DVL2: variants seen among roughly 807,000 people sequenced by gnomAD.
DVL2 encodes dishevelled segment polarity protein 2, also known as segment polarity protein dishevelled homolog DVL-2.
DVL2 carries 38 observed loss-of-function variants against 69.8 expected under a neutral mutation model. The observed-to-expected ratio is 0.54, with a 90% confidence interval of 0.42 to 0.71. DVL2 has a LOEUF of 0.71. DVL2 is among the 30% of genes least tolerant of loss of function. The pLI is 0.00. For missense variants in DVL2, 931 were observed against 1,008.1 expected, an observed-to-expected ratio of 0.92 and a Z score of 1.04; for synonymous variants, 428 against 392.4, an observed-to-expected ratio of 1.09 and a Z score of -1.07.
In DVL2 at chr17:7,225,634, C is replaced by G; in HGVS notation, c.*231G>C. 1 of 551,008 alleles carries G rather than the reference C, an allele frequency of 1.8e-6. No individual in the cohort carries two copies. The allele number at this position is 551,008 out of a possible 1,614,324, so 34.1% of individuals were successfully genotyped here. A position where few individuals can be genotyped will look rare whatever the true frequency, so the allele number is the denominator to read the frequency against. On this transcript the variant is annotated 3_prime_UTR_variant, in exon 15 of 15. Transcript: ENST00000005340. ...AAAATGTAAGAAACTCTATTTTAAC[C>G]CCCAAAAAGGCTTATAAAAAAACAA...
intron 2 of DVL2, 128 bp downstream of exon 2, chr17:7,230,600 C>T: frequency 7.5e-7 from 1 of 1,324,736 alleles, no homozygotes; most frequent in South Asian, 1.4e-5. Context: ...GCCGGCTCTC[C>T]AAACAGACAG....
intron 9 of DVL2, 28 bp from the exon 10 acceptor site, chr17:7,228,072 G>T: frequency 1.3e-6 from 2 of 1,518,620 alleles, no homozygotes; most frequent in Non-Finnish European, 1.8e-6. Flanking sequence ...CCAGTCAAGG[G>T]CGCAGGGGAA....
At chr17:7,228,804 ACTC>A in intron 9 of DVL2, 162 bp downstream of exon 9, 1 of 641,874 alleles carries the variant, frequency 1.6e-6, no homozygotes, top group South Asian at 1.9e-5. Flanking sequence ...CTGGTCTCGA[ACTC>A]CTCACCTCAG....
rs904682433 is a variant in DVL2, at chr17:7,234,352, G to A, written c.-90C>T. The A allele has an allele frequency of 3.5e-6, 5 of 1,445,300 alleles. No homozygotes were observed. Among genetic ancestry groups the A allele is most frequent in the East Asian group, 4.6e-5 (2 of 43,848 alleles). The allele number at this position is 1,445,300 out of a possible 1,614,324, so 89.5% of individuals were successfully genotyped here. ...TGCGCACACCCGCAAACCGACGCGC[G>A]AGCGCGGACAGGACTGACCCAGTAC... is the stretch of plus-strand genomic sequence containing the variant. On this transcript the variant is annotated 5_prime_UTR_variant, in exon 1 of 15. Coordinates refer to ENST00000005340, the MANE Select transcript of DVL2 (RefSeq NM_004422.3).
chr17:7,228,241 T>A, intron 9 of DVL2, 197 bp from the exon 10 acceptor site: 1 of 530,708 alleles, frequency 1.9e-6, no homozygotes, highest in South Asian at 2.7e-5. Context: ...AAAAACATAC[T>A]GCCAAGTGAG....
At chr17:7,233,933 T>C in intron 1 of DVL2, 136 bp downstream of exon 1, 1 of 909,112 alleles carries the variant, frequency 1.1e-6, no homozygotes, top group South Asian at 1.5e-5. Flanking sequence ...ATAGTCAACC[T>C]ACCTCAGCAT....
chr17:7,227,048 T>C (rs776163921), intron 13 of DVL2, 42 bp downstream of exon 13: 2 of 1,565,262 alleles, frequency 1.3e-6, no homozygotes, highest in African/African-American at 2.7e-5. Flanking sequence ...CAGAACAAGG[T>C]AGGCAAAGCC....
At chr17:7,230,902 T>A (rs1460440087) in intron 1 of DVL2, 105 bp from the exon 2 acceptor site, 1 of 807,880 alleles carries the variant, frequency 1.2e-6, no homozygotes, top group Non-Finnish European at 2.0e-6. Flanking sequence ...ATGTTGACTT[T>A]CTCCTGCCCT....
Position 7,226,547 on chromosome 17 carries a change from G to A in DVL2, c.1636C>T (p.Pro546Ser), listed in dbSNP as rs2071453099. 1.9e-6 allele frequency: 3 copies of A among 1,609,532 alleles called. No homozygotes were observed. The East Asian group carries it at 6.7e-5, about 36-fold the overall frequency. ...LAPLPGATPW[P>S]LLPTFSYQYP... ...TGGTAGGAGAAAGTGGGCAGCAGGG[G>A]CCAGGGGGTGGCCCCAGGCAGAGGA... The change falls in exon 14 of 15, where the codon CCC (proline) becomes TCC (serine). Residue 546 changes from proline to serine, a missense_variant. Transcript: ENST00000005340.
At chr17:7,231,090 C>T (rs1334894803) in intron 1 of DVL2, among the ~76,000 whole-genome samples, 2 of 152,202 alleles carry the variant, frequency 1.3e-5, no homozygotes, top group African/African-American at 2.4e-5. Context: ...CAATCCCGCA[C>T]GCTGATGCGG....
rs954292534 is a variant in DVL2 at position 7,230,153 on chromosome 17, G to C, written c.413C>G (p.Pro138Arg). The C allele has an allele frequency of 6.2e-7, 1 of 1,613,776 alleles. No homozygotes were observed. Among genetic ancestry groups the C allele is most frequent in the African/African-American group, 1.3e-5 (1 of 74,922 alleles). ...ATTCTCATGGCTGCTGGACACATTAGGGCTGGACAGGCAGAGATGGTTTCC... is the reference window on the plus strand; with the variant it reads ...ATTCTCATGGCTGCTGGACACATTACGGCTGGACAGGCAGAGATGGTTTCC... ...IGDSRPPSFH[P>R]NVSSSHENLE... Residue 138 changes from proline (P) to arginine (R), a missense_variant and splice_region_variant, in exon 4 of 15, where the codon CCT becomes CGT. Transcript: ENST00000005340.
At position 7,234,479 on chromosome 17, in the gene DVL2, G is replaced by C; in HGVS notation, c.-217C>G. ...GCCCCGGTCTCAGCGGCCGCCGCGCGCCACCGCCACCGACGCCGCGAGCTT... is the reference window on the plus strand; with the variant it reads ...GCCCCGGTCTCAGCGGCCGCCGCGCCCCACCGCCACCGACGCCGCGAGCTT... On this transcript the variant is annotated 5_prime_UTR_variant, in exon 1 of 15. Coordinates refer to ENST00000005340, the MANE Select transcript of DVL2 (RefSeq NM_004422.3). 1 of 550,234 alleles carries C rather than the reference G, an allele frequency of 1.8e-6. No homozygotes were observed. Among genetic ancestry groups the C allele is most frequent in the Middle Eastern group, 4.8e-4 (1 of 2,082 alleles). The allele number at this position is 550,234 out of a possible 1,614,324, so 34.1% of individuals were successfully genotyped here.
At chr17:7,233,087 CA>C (rs59984818) in intron 1 of DVL2, among the ~76,000 whole-genome samples, 533 of 36,264 alleles carry the variant, frequency 0.015, 13 homozygotes, top group East Asian at 0.038. Context: ...GAGACTGTCT[CA>C]AAAAAAAAAA....
At position 7,225,440 on chromosome 17, in the gene DVL2, A is replaced by G. The variant is rs189267906; in HGVS notation, c.*425T>C. On this transcript the variant is annotated 3_prime_UTR_variant, in exon 15 of 15. Coordinates refer to ENST00000005340, the MANE Select transcript of DVL2 (RefSeq NM_004422.3). Reference sequence around the variant, plus strand: ...ATGGCCCAAATCTCCCAGCTTCCTCAGGCTGCTGTCTAGGATGCCTAACCC... The same window carrying G: ...ATGGCCCAAATCTCCCAGCTTCCTCGGGCTGCTGTCTAGGATGCCTAACCC... The G allele has an allele frequency of 2.5e-5, 11 of 438,640 alleles. No homozygotes were observed. The East Asian group carries it at 4.3e-4, about 17-fold the overall frequency. 27.2% of individuals were successfully genotyped at this position (438,640 alleles called of 1,614,324 possible). A position where few individuals can be genotyped will look rare whatever the true frequency, so the allele number is the denominator to read the frequency against.
Position 7,225,697 on chromosome 17 carries a change from G to T in DVL2, c.*168C>A. Reference sequence around the variant, plus strand: ...TCAAAGGTCCCTTGTCTACCCCTGAGGGAAGGGGGAGGAACCAGGCACTGC... The same window carrying T: ...TCAAAGGTCCCTTGTCTACCCCTGATGGAAGGGGGAGGAACCAGGCACTGC... On this transcript the variant is annotated 3_prime_UTR_variant, in exon 15 of 15. Transcript: ENST00000005340. 1.6e-6 allele frequency: 1 copy of T among 643,320 alleles called. No individual in the cohort carries two copies. 39.9% of individuals were successfully genotyped at this position (643,320 alleles called of 1,614,324 possible). A position where few individuals can be genotyped will look rare whatever the true frequency, so the allele number is the denominator to read the frequency against.
In DVL2 at chr17:7,234,102, T is replaced by C; in HGVS notation, c.161A>G (p.Lys54Arg). 1 of 1,614,178 alleles carries C rather than the reference T, an allele frequency of 6.2e-7. No individual in the cohort carries two copies. The highest frequency in any genetic ancestry group is 8.5e-7 in the Non-Finnish European group (1 of 1,180,028). ...KSVLQRPAGA[K>R]YFFKSMDQDF... ...CTGATCCATAGACTTGAAAAAGTAC[T>C]TGGCGCCCGCGGGCCGCTGCAGGAC... Residue 54 changes from lysine (K) to arginine (R), a missense_variant, in exon 1 of 15, where the codon AAG (lysine) becomes AGG (arginine). Physicochemically the swap from Lys to Arg is conservative, Grantham distance 26 (BLOSUM62 2). Transcript: ENST00000005340.
chr17:7,230,583 G>A (rs1438377217), intron 2 of DVL2, 145 bp downstream of exon 2: 2 of 1,319,448 alleles, frequency 1.5e-6, no homozygotes, highest in Non-Finnish European at 2.1e-6. Flanking sequence ...AAGGCTGAGG[G>A]CCTCTCGCCG....
Position 7,227,180 on chromosome 17 carries a change from C to G in DVL2, c.1453G>C (p.Ala485Pro). The change falls in exon 13 of 15, where the codon GCA becomes CCA. Residue 485 changes from alanine to proline, a missense_variant. Ala to Pro is a conservative substitution (Grantham distance 27). Transcript: ENST00000005340. ...ARKYASGLLK[A>P]GLIRHTVNKI... ...TTGACGGTGTGTCGGATCAGGCCTG[C>G]TTTGAGCAGCCCGCTGGCATACTTG... The G allele has an allele frequency of 6.2e-7, 1 of 1,614,110 alleles. No individual in the cohort carries two copies. The highest frequency in any genetic ancestry group is 8.5e-7 in the Non-Finnish European group (1 of 1,180,020).
In DVL2 at chr17:7,226,474, T is replaced by C; in HGVS notation, c.1709A>G (p.Glu570Gly). The C allele has an allele frequency of 6.4e-7, 1 of 1,563,668 alleles. No individual in the cohort carries two copies. The highest frequency in any genetic ancestry group is 8.6e-7 in the Non-Finnish European group (1 of 1,157,172). The change falls in exon 14 of 15, where the codon GAG (glutamate) becomes GGG (glycine). Residue 570 changes from glutamate (E) to glycine (G), a missense_variant. Glu to Gly is a moderately conservative substitution (Grantham distance 98). Transcript: ENST00000005340. ...PYSPQPPPYH[E>G]LSSYTYGGGS... ...CCCACCATAGGTGTAAGATGAAAGC[T>C]CATGGTAGGGTGGAGGCTGCGGGCT...
Sources: gnomAD v4.1 joint callset for allele counts (sites outside exome capture counted in the v4.1 genomes callset) on GRCh38, gnomAD v4.1.1 for gene constraint, MANE v1.5 for transcripts, NCBI Gene and HGNC (gene_info 2026-07-23, HGNC 2026-07-21) for gene names.